CCDC178: variants seen among roughly 807,000 people sequenced by gnomAD.
The protein encoded by CCDC178 is coiled-coil domain-containing protein 178.
In CCDC178, 126 loss-of-function variants were observed where a neutral mutation model predicts 117.4. The ratio of observed to expected loss-of-function variants is 1.07; its 90% CI spans 0.93 to 1.24. CCDC178 has a LOEUF of 1.24. Ranked by LOEUF, CCDC178 falls within the 50% of genes most tolerant of loss-of-function variation. The pLI, the probability that CCDC178 is intolerant of heterozygous loss-of-function variation, is 0.00. For synonymous variants in CCDC178, 283 were observed against 313.4 expected (o/e 0.90, Z 1.02); for missense variants, 1,030 against 986.9 (o/e 1.04, Z -0.59).
intron 20 of CCDC178, among the ~76,000 whole-genome samples, chr18:33,108,311 A>T (rs969136007): frequency 9.9e-5 from 15 of 150,810 alleles, no homozygotes; most frequent in African/African-American, 3.7e-4. Context: ...AATCTATTAA[A>T]ATTTAAATAA....
chr18:33,169,198 C>G (rs1198553088), intron 20 of CCDC178, among the ~76,000 whole-genome samples: 1 of 152,154 alleles, frequency 6.6e-6, no homozygotes, highest in Admixed American at 6.6e-5. Context: ...GCATTATAAC[C>G]TAAGTAAAAT....
intron 20 of CCDC178, among the ~76,000 whole-genome samples, chr18:33,173,241 G>T (rs2058625327): frequency 6.6e-6 from 1 of 152,042 alleles, no homozygotes; most frequent in Admixed American, 6.6e-5. Flanking sequence ...GTAGAAACGG[G>T]TTTTCACTAT....
At chr18:33,035,762 A>T (rs1358583760) in intron 21 of CCDC178, among the ~76,000 whole-genome samples, 6 of 152,002 alleles carry the variant, frequency 3.9e-5, no homozygotes, top group Non-Finnish European at 8.8e-5. Context: ...AAGTATTAAT[A>T]TATCAAATCA....
At chr18:33,097,033 G>A (rs1362981544) in intron 20 of CCDC178, among the ~76,000 whole-genome samples, 2 of 152,066 alleles carry the variant, frequency 1.3e-5, no homozygotes, top group African/African-American at 2.4e-5. Context: ...TTTCAGTCTC[G>A]ATGTTTTTTC....
At chr18:33,010,070 T>C (rs75604285) in intron 21 of CCDC178, among the ~76,000 whole-genome samples, 2,035 of 152,268 alleles carry the variant, frequency 0.013, 42 homozygotes, top group African/African-American at 0.046. Flanking sequence ...ATGCTCTTGA[T>C]AGTAAAAGAA....
chr18:33,116,682 G>A (rs1162974879), intron 20 of CCDC178, among the ~76,000 whole-genome samples: 5 of 151,508 alleles, frequency 3.3e-5, no homozygotes, highest in Admixed American at 2.6e-4. Flanking sequence ...ATTGCTCTCA[G>A]CAACTAGAAA....
At chr18:33,083,376 C>T (rs568437703) in intron 21 of CCDC178, among the ~76,000 whole-genome samples, 61 of 152,288 alleles carry the variant, frequency 4.0e-4, no homozygotes, top group Middle Eastern at 3.4e-3. Context: ...CATTAAAGCT[C>T]TTGCTATATG....
rs559375485 is a variant in CCDC178, at chr18:33,183,303, C to T, written c.2238+28593G>A. 8.6e-5 allele frequency among the ~76,000 whole-genome samples: 13 copies of T among 151,954 alleles called. No individual in the cohort carries two copies. The East Asian group carries it at 1.4e-3, about 16-fold the overall frequency. On this transcript the variant is annotated intron_variant, in intron 20 of 22. Transcript: ENST00000383096. ...AAAGTTGTTGCGCCAAGATGCCTGG[C>T]GGATTAAGCTCCATTGCCTTTTCTT...
chr18:33,176,923 T>C (rs534814105), intron 20 of CCDC178, among the ~76,000 whole-genome samples: 1 of 152,202 alleles, frequency 6.6e-6, no homozygotes, highest in Non-Finnish European at 1.5e-5. Context: ...GCCAGCCACA[T>C]CTCACTTATA....
intron 20 of CCDC178, among the ~76,000 whole-genome samples, chr18:33,200,618 T>C (rs546335306): frequency 1.3e-5 from 2 of 152,208 alleles, no homozygotes; most frequent in African/African-American, 4.8e-5. Context: ...TGTATGTCTT[T>C]CCTCCTAATG....
At chr18:33,110,033 T>G (rs900040936) in intron 20 of CCDC178, among the ~76,000 whole-genome samples, 1 of 151,610 alleles carries the variant, frequency 6.6e-6, no homozygotes, top group South Asian at 2.1e-4. Flanking sequence ...CTATTTACCT[T>G]CTGAGAGATG....
intron 11 of CCDC178, among the ~76,000 whole-genome samples, chr18:33,296,314 G>A (rs2144888568): frequency 1.3e-5 from 2 of 152,086 alleles, no homozygotes; most frequent in East Asian, 3.9e-4. Flanking sequence ...GGTAGCACAA[G>A]GAATGAAACT....
At chr18:33,022,862 A>T (rs985365617) in intron 21 of CCDC178, among the ~76,000 whole-genome samples, 1 of 152,074 alleles carries the variant, frequency 6.6e-6, no homozygotes, top group African/African-American at 2.4e-5. Flanking sequence ...AAATATAATG[A>T]TATATAGGGG....
chr18:33,091,954 C>T (rs2057473699), intron 21 of CCDC178, among the ~76,000 whole-genome samples: 2 of 152,144 alleles, frequency 1.3e-5, no homozygotes, highest in African/African-American at 4.8e-5. Context: ...GCCTTCCCAA[C>T]ATTCCATAAT....
intron 20 of CCDC178, among the ~76,000 whole-genome samples, chr18:33,130,575 A>C (rs974002211): frequency 2.6e-5 from 4 of 152,110 alleles, no homozygotes; most frequent in Admixed American, 2.6e-4. Context: ...GTTAGGTTCC[A>C]AGGTCATGTT....
At chr18:33,174,325 T>A (rs1355927576) in intron 20 of CCDC178, among the ~76,000 whole-genome samples, 2 of 152,164 alleles carry the variant, frequency 1.3e-5, no homozygotes. Flanking sequence ...CATTTCAACA[T>A]AAGATTTGGG....
chr18:33,422,866 A>C (rs1214742451), intron 2 of CCDC178, among the ~76,000 whole-genome samples: 2 of 152,190 alleles, frequency 1.3e-5, no homozygotes, highest in African/African-American at 4.8e-5. Flanking sequence ...GTTTTCTAGC[A>C]TTGGTTCTGT....
intron 21 of CCDC178, among the ~76,000 whole-genome samples, chr18:33,084,760 G>A (rs1260835282): frequency 4.6e-5 from 7 of 151,302 alleles, no homozygotes; most frequent in South Asian, 2.1e-4. Flanking sequence ...GCAGTGAGCC[G>A]AGATTGCGCC....
intron 5 of CCDC178, among the ~76,000 whole-genome samples, chr18:33,388,409 T>C (rs2063522735): frequency 6.6e-6 from 1 of 152,014 alleles, no homozygotes; most frequent in Non-Finnish European, 1.5e-5. Context: ...GATACATGCA[T>C]GTGTTATGTT....
Sources: gnomAD v4.1 joint callset for allele counts (sites outside exome capture counted in the v4.1 genomes callset) on GRCh38, gnomAD v4.1.1 for gene constraint, MANE v1.5 for transcripts, NCBI Gene and HGNC (gene_info 2026-07-23, HGNC 2026-07-21) for gene names.